CALN1: variants seen among roughly 807,000 people sequenced by gnomAD.
CALN1 encodes calcium-binding protein 8.
Under a neutral mutation model 30.6 loss-of-function variants are expected in CALN1, and 17 were observed. The ratio of observed to expected loss-of-function variants is 0.56; its 90% CI spans 0.38 to 0.83. The LOEUF is 0.83. Among genes scored for constraint, CALN1 ranks in the 40% least tolerant of loss-of-function variants. CALN1 has a pLI of 0.00. For synonymous variants in CALN1, 156 were observed against 131.4 expected, an observed-to-expected ratio of 1.19 and a Z score of -1.28; for missense variants, 291 against 354.9, an observed-to-expected ratio of 0.82 and a Z score of 1.45.
At chr7:71,987,939 A>G (rs1798759758) in intron 5 of CALN1, among the ~76,000 whole-genome samples, 1 of 152,150 alleles carries the variant, frequency 6.6e-6, no homozygotes, top group African/African-American at 2.4e-5. Context: ...CCTCGAATCC[A>G]GCGGGTCCAG....
intron 3 of CALN1, among the ~76,000 whole-genome samples, chr7:72,203,453 G>A (rs990646556): frequency 5.9e-5 from 9 of 152,106 alleles, no homozygotes; most frequent in South Asian, 2.1e-4. Context: ...CCCAAACTCC[G>A]GCAGGTTTGG....
At chr7:71,953,010 G>A (rs1045459670) in intron 5 of CALN1, among the ~76,000 whole-genome samples, 1 of 152,152 alleles carries the variant, frequency 6.6e-6, no homozygotes, top group African/African-American at 2.4e-5. Context: ...AGTTTAGAGT[G>A]CAGTGGTGTG....
At chr7:72,366,423 G>A (rs556510164) in intron 2 of CALN1, among the ~76,000 whole-genome samples, 34 of 152,110 alleles carry the variant, frequency 2.2e-4, no homozygotes, top group Admixed American at 4.6e-4. Flanking sequence ...TGATCCACCT[G>A]CCTCGGCCTC....
At chr7:71,853,412 A>G (rs1278228499) in intron 5 of CALN1, among the ~76,000 whole-genome samples, 2 of 152,142 alleles carry the variant, frequency 1.3e-5, no homozygotes, top group African/African-American at 4.8e-5. Context: ...TATTTAACAT[A>G]TACATTATCT....
the CALN1 span, among the ~76,000 whole-genome samples, chr7:72,476,420 G>T: frequency 6.6e-6 from 1 of 152,108 alleles, no homozygotes; most frequent in Admixed American, 6.6e-5. Flanking sequence ...AGCATCATGA[G>T]AACAGATTAA....
chr7:72,411,595 A>C (rs939750388), intron 1 of CALN1, among the ~76,000 whole-genome samples: 43 of 152,226 alleles, frequency 2.8e-4, no homozygotes, highest in African/African-American at 9.9e-4. Context: ...TTGTAGTCTC[A>C]AAATACCACT....
At chr7:71,987,502 G>A (rs1007801749) in intron 5 of CALN1, among the ~76,000 whole-genome samples, 1 of 152,232 alleles carries the variant, frequency 6.6e-6, no homozygotes, top group Non-Finnish European at 1.5e-5. Flanking sequence ...GGGGCCCATG[G>A]GCACAGGGAA....
At chr7:72,052,482 GACT>G (rs926549620) in intron 4 of CALN1, among the ~76,000 whole-genome samples, 1 of 148,206 alleles carries the variant, frequency 6.7e-6, no homozygotes, top group Non-Finnish European at 1.5e-5. Context: ...TGACCTCACT[GACT>G]ACTGACCACC....
At chr7:71,841,467 G>GA (rs1584345545) in intron 5 of CALN1, among the ~76,000 whole-genome samples, 1 of 152,072 alleles carries the variant, frequency 6.6e-6, no homozygotes, top group East Asian at 1.9e-4. Flanking sequence ...ATTCAAAACA[G>GA]AATTACCACT....
intron 5 of CALN1, among the ~76,000 whole-genome samples, chr7:71,810,851 A>G (rs562871366): frequency 6.6e-6 from 1 of 150,874 alleles, no homozygotes; most frequent in Non-Finnish European, 1.5e-5. Flanking sequence ...AATTTTTATA[A>G]TTTACCAACA....
At chr7:72,468,380 C>T in the CALN1 span, among the ~76,000 whole-genome samples, 9 of 152,282 alleles carry the variant, frequency 5.9e-5, no homozygotes. Flanking sequence ...GAGGTGTGAT[C>T]TTGGCTCACT....
At chr7:72,346,640 C>G (rs1007846775) in intron 2 of CALN1, among the ~76,000 whole-genome samples, 1 of 151,956 alleles carries the variant, frequency 6.6e-6, no homozygotes, top group Non-Finnish European at 1.5e-5. Flanking sequence ...CTCAGCCTCC[C>G]GAGTAGTTGG....
chr7:72,320,809 T>G (rs371994956), intron 2 of CALN1, among the ~76,000 whole-genome samples: 2 of 124,702 alleles, frequency 1.6e-5, no homozygotes, highest in East Asian at 4.7e-4. Flanking sequence ...CACTCTAGCC[T>G]GGGCGACAGA....
At chr7:72,319,382 T>G (rs1183746726) in intron 2 of CALN1, among the ~76,000 whole-genome samples, 1 of 152,096 alleles carries the variant, frequency 6.6e-6, no homozygotes, top group African/African-American at 2.4e-5. Context: ...GCAGGGAAAC[T>G]CCCTCTTTTA....
intron 3 of CALN1, among the ~76,000 whole-genome samples, chr7:72,261,747 G>GA (rs998774400): frequency 6.6e-6 from 1 of 151,804 alleles, no homozygotes; most frequent in Non-Finnish European, 1.5e-5. Flanking sequence ...AGCTTTACAG[G>GA]AAAAAAACAC....
intron 5 of CALN1, among the ~76,000 whole-genome samples, chr7:71,909,449 A>T (rs547546903): frequency 6.6e-6 from 1 of 152,222 alleles, no homozygotes; most frequent in Admixed American, 6.5e-5. Flanking sequence ...GTTAAAAAAA[A>T]AAAGCAGACT....
chr7:71,994,332 C>A (rs1425510289), intron 5 of CALN1, among the ~76,000 whole-genome samples: 3 of 151,846 alleles, frequency 2.0e-5, no homozygotes, highest in Admixed American at 2.0e-4. Flanking sequence ...GCCAACATGG[C>A]AAAACTCCGT....
chr7:71,923,809 T>G (rs1215033707), intron 5 of CALN1, among the ~76,000 whole-genome samples: 1 of 152,102 alleles, frequency 6.6e-6, no homozygotes, highest in Non-Finnish European at 1.5e-5. Context: ...TTCCCCTCCC[T>G]GTGGCCCCCA....
At position 72,209,352 on chromosome 7, in the gene CALN1, C is replaced by A. The variant is rs1455074915; in HGVS notation, c.244+69334G>T. Among the ~76,000 whole-genome samples the A allele has an allele frequency of 4.0e-4, 30 of 74,492 alleles. 12 individuals are homozygous for A. Among genetic ancestry groups the A allele is most frequent in the East Asian group, 4.3e-3 (2 of 470 alleles). The allele number at this position is 74,492 out of a possible 152,430, so 48.9% of individuals were successfully genotyped here. Reference sequence around the variant, plus strand: ...TCTTTCCTTCCCTCTTTCCTTCCCTCCTTCCCTCTTTCCTTCCCTCCTTCC... The same window carrying A: ...TCTTTCCTTCCCTCTTTCCTTCCCTACTTCCCTCTTTCCTTCCCTCCTTCC... On this transcript the variant is annotated intron_variant, in intron 3 of 6. Coordinates refer to ENST00000395275, the MANE Select transcript of CALN1 (RefSeq NM_031468.4).
Sources: allele counts gnomAD v4.1 joint callset (sites outside exome capture counted in the v4.1 genomes callset), GRCh38; gene constraint gnomAD v4.1.1; transcripts MANE v1.5; gene names NCBI Gene and HGNC (gene_info 2026-07-23, HGNC 2026-07-21).